Variants in SPMIP6 observed in about 807,000 individuals in gnomAD.
SPMIP6 encodes ciliated bronchial epithelial protein 1.
the SPMIP6 span, chr9:34,380,685 G>T: frequency 6.5e-7 from 1 of 1,546,836 alleles, no homozygotes; most frequent in South Asian, 1.2e-5. Flanking sequence ...CGGGGACTTG[G>T]AGTAACCTTC....
chr9:34,397,777 C>G, the SPMIP6 span: 3 of 806,640 alleles, frequency 3.7e-6, no homozygotes, highest in East Asian at 7.8e-5. Context: ...CAGAGGATCT[C>G]TCAGCTTCCT....
the SPMIP6 span, among the ~76,000 whole-genome samples, chr9:34,386,582 C>T: frequency 2.8e-5 from 3 of 105,274 alleles, no homozygotes. Context: ...AGCAAGACTT[C>T]GTCTCAAAAA....
the SPMIP6 span, chr9:34,380,754 G>T: frequency 6.5e-7 from 1 of 1,548,408 alleles, no homozygotes; most frequent in Non-Finnish European, 8.7e-7. Flanking sequence ...GGCGGGACAC[G>T]GCAGGGCCTC....
At chr9:34,388,932 C>CTTT in the SPMIP6 span, among the ~76,000 whole-genome samples, 1,323 of 109,728 alleles carry the variant, frequency 0.012, 33 homozygotes, top group African/African-American at 0.023. Flanking sequence ...CTCTCTCTTT[C>CTTT]TTTTTTTTTT....
the SPMIP6 span, chr9:34,380,563 A>C: frequency 3.8e-6 from 5 of 1,301,410 alleles, no homozygotes; most frequent in Non-Finnish European, 5.0e-6. Flanking sequence ...AGATGGGGGA[A>C]GAGGATGCGA....
the SPMIP6 span, among the ~76,000 whole-genome samples, chr9:34,383,294 C>T: frequency 2.0e-5 from 3 of 152,210 alleles, no homozygotes; most frequent in East Asian, 5.8e-4. Flanking sequence ...GAGGCCAGGG[C>T]AGGCAGATCA....
chr9:34,397,737 G>T, the SPMIP6 span: 1 of 1,255,620 alleles, frequency 8.0e-7, no homozygotes, highest in Non-Finnish European at 1.1e-6. Context: ...CAGCCTGGCA[G>T]GTGCCCTTAG....
chr9:34,386,563 T>C, the SPMIP6 span, among the ~76,000 whole-genome samples: 1 of 146,700 alleles, frequency 6.8e-6, no homozygotes, highest in Middle Eastern at 3.5e-3. Flanking sequence ...CACTCCAGTC[T>C]GGCGACAGAG....
At chr9:34,395,313 CA>C in the SPMIP6 span, among the ~76,000 whole-genome samples, 2 of 152,176 alleles carry the variant, frequency 1.3e-5, no homozygotes. Context: ...CACTCCTCGC[CA>C]TTCATTGAAG....
chr9:34,382,486 G>A, the SPMIP6 span, among the ~76,000 whole-genome samples: 1 of 152,212 alleles, frequency 6.6e-6, no homozygotes, highest in East Asian at 1.9e-4. Flanking sequence ...TCGGGAGTGT[G>A]AGGTAGCAGA....
At chr9:34,379,516 C>G in the SPMIP6 span, 1 of 827,450 alleles carries the variant, frequency 1.2e-6, no homozygotes, top group Non-Finnish European at 2.1e-6. The surrounding 1 kb of genome is among the most constrained non-coding windows in gnomAD (Gnocchi z 4.2). Context: ...CACTAGCTCC[C>G]CCTCGTGGTA....
At chr9:34,396,180 T>G in the SPMIP6 span, among the ~76,000 whole-genome samples, 7 of 152,178 alleles carry the variant, frequency 4.6e-5, no homozygotes, top group Non-Finnish European at 1.0e-4. Flanking sequence ...AATATTTGCT[T>G]CCTGAAAGGG....
chr9:34,385,630 G>T, the SPMIP6 span: 2 of 1,613,378 alleles, frequency 1.2e-6, no homozygotes, highest in Admixed American at 3.3e-5. Flanking sequence ...AAAGGGTGAG[G>T]CCTTACCTTC....
the SPMIP6 span, chr9:34,379,561 C>T: frequency 8.2e-6 from 10 of 1,216,018 alleles, no homozygotes; most frequent in African/African-American, 1.5e-5. The surrounding 1 kb of genome is among the most constrained non-coding windows in gnomAD (Gnocchi z 4.2). Flanking sequence ...CGTTCTCATC[C>T]CGTCTACCAG....
chr9:34,380,871 G>T, the SPMIP6 span: 3 of 1,500,698 alleles, frequency 2.0e-6, no homozygotes, highest in Non-Finnish European at 2.7e-6. Flanking sequence ...GTGGAGCCCG[G>T]CTGAGGCGGG....
chr9:34,379,832 C>A, the SPMIP6 span: 5 of 879,282 alleles, frequency 5.7e-6, no homozygotes, highest in Admixed American at 6.4e-5. This position sits in a 1 kb window ranked among gnomAD's most constrained non-coding sequence, Gnocchi z 4.2. Flanking sequence ...GGTGTCCGTC[C>A]CAAGGCTCGG....
chr9:34,380,748 G>C, the SPMIP6 span: 7 of 1,548,386 alleles, frequency 4.5e-6, no homozygotes, highest in African/African-American at 1.4e-5. Flanking sequence ...CCCGAGGGCG[G>C]GACACGGCAG....
the SPMIP6 span, chr9:34,385,896 C>T: frequency 3.1e-6 from 3 of 971,504 alleles, no homozygotes; most frequent in South Asian, 1.7e-5. Context: ...GGTCTCCCAA[C>T]CCCCCTCCCC....
the SPMIP6 span, among the ~76,000 whole-genome samples, chr9:34,387,391 GC>G: frequency 6.6e-6 from 1 of 152,126 alleles, no homozygotes; most frequent in Non-Finnish European, 1.5e-5. Flanking sequence ...GATCAACTGT[GC>G]CCAGCTGACA....
Sources: gnomAD v4.1 joint callset for allele counts (sites outside exome capture counted in the v4.1 genomes callset) on GRCh38, gnomAD v4.1.1 for gene constraint, Gnocchi (gnomAD v3.1) non-coding constraint, MANE v1.5 for transcripts, NCBI Gene and HGNC (gene_info 2026-07-23, HGNC 2026-07-21) for gene names.